Variants in CNTNAP5 observed in about 807,000 individuals in gnomAD.
CNTNAP5 encodes the protein contactin-associated protein-like 5.
Under a neutral mutation model 150.2 loss-of-function variants are expected in CNTNAP5, and 72 were observed. The observed-to-expected ratio is 0.48, with a 90% CI of 0.40 to 0.58. The LOEUF is 0.58. Among genes scored for constraint, CNTNAP5 ranks in the 20% least tolerant of loss-of-function variants. CNTNAP5 has a pLI of 0.00. For missense variants in CNTNAP5, 1,636 were observed against 1,626.2 expected (o/e 1.01, Z -0.10); for synonymous variants, 672 against 619.8 (o/e 1.08, Z -1.25).
intron 13 of CNTNAP5, among the ~76,000 whole-genome samples, chr2:124,724,175 A>AATAATAATAATAATAATAATAATG (rs539558593): frequency 6.7e-6 from 1 of 149,632 alleles, no homozygotes; most frequent in African/African-American, 2.5e-5. Context: ...TAATAATAAT[A>AATAATAATAATAATAATAATAATG]ATGATGATAC....
At chr2:124,488,733 A>C (rs1160156240) in intron 7 of CNTNAP5, among the ~76,000 whole-genome samples, 1 of 152,216 alleles carries the variant, frequency 6.6e-6, no homozygotes, top group Non-Finnish European at 1.5e-5. Context: ...TGTTGTGATG[A>C]TTATACCAAG....
intron 1 of CNTNAP5, among the ~76,000 whole-genome samples, chr2:124,196,115 A>G (rs1573826952): frequency 6.6e-6 from 1 of 152,136 alleles, no homozygotes; most frequent in Admixed American, 6.5e-5. Context: ...AAAATGCCCA[A>G]GGGAAGAAGA....
chr2:124,875,120 A>G (rs888512662), intron 21 of CNTNAP5, among the ~76,000 whole-genome samples: 1 of 151,976 alleles, frequency 6.6e-6, no homozygotes, highest in Admixed American at 6.6e-5. Flanking sequence ...ATTCTCCCCA[A>G]TCCCTCAGGT....
intron 10 of CNTNAP5, among the ~76,000 whole-genome samples, chr2:124,554,820 G>C (rs1358482241): frequency 6.6e-6 from 1 of 152,074 alleles, no homozygotes; most frequent in Non-Finnish European, 1.5e-5. Flanking sequence ...TATCTTCAAA[G>C]TTTTATTATA....
rs553519625 is a variant in CNTNAP5 at position 124,675,501 on chromosome 2, T to G, written c.2077+27543T>G. On this transcript the variant is annotated intron_variant, in intron 13 of 23. Transcript: ENST00000682447. The stretch of plus-strand genomic sequence containing the variant: ...GGATTCCCACTTGCCATTTTTCTAC[T>G]TCTTTATTGGAGTCTATTTTTCAAT... 2.6e-5 allele frequency among the ~76,000 whole-genome samples: 4 copies of G among 152,284 alleles called. No individual in the cohort carries two copies. The South Asian group carries it at 8.3e-4, about 32-fold the overall frequency.
chr2:124,469,882 A>G (rs1053519124), intron 6 of CNTNAP5, among the ~76,000 whole-genome samples: 7 of 152,132 alleles, frequency 4.6e-5, no homozygotes, highest in Admixed American at 1.3e-4. Flanking sequence ...TGCTGCATCC[A>G]TGTTCCTGCA....
chr2:124,633,010 C>T (rs1254668314), intron 12 of CNTNAP5, among the ~76,000 whole-genome samples: 1 of 152,062 alleles, frequency 6.6e-6, no homozygotes, highest in Non-Finnish European at 1.5e-5. Flanking sequence ...AAAACCCACC[C>T]CATGATCCAG....
intron 13 of CNTNAP5, among the ~76,000 whole-genome samples, chr2:124,733,373 C>T (rs1160885317): frequency 1.3e-5 from 2 of 151,716 alleles, no homozygotes; most frequent in Non-Finnish European, 2.9e-5. Context: ...AGAGGAAATG[C>T]TTTCAAATAA....
chr2:124,550,626 G>A (rs1268641786), intron 10 of CNTNAP5, among the ~76,000 whole-genome samples: 1 of 152,092 alleles, frequency 6.6e-6, no homozygotes, highest in African/African-American at 2.4e-5. Flanking sequence ...GTAGATGTGA[G>A]GTGGACTAAC....
chr2:124,705,929 A>T (rs1313686609), intron 13 of CNTNAP5, among the ~76,000 whole-genome samples: 5 of 107,218 alleles, frequency 4.7e-5, no homozygotes, highest in Non-Finnish European at 9.0e-5. Context: ...TTTGAAAATA[A>T]CTGTGGACAT....
intron 19 of CNTNAP5, among the ~76,000 whole-genome samples, chr2:124,832,876 A>T (rs1265993857): frequency 3.3e-5 from 5 of 151,576 alleles, no homozygotes; most frequent in Non-Finnish European, 5.9e-5. Flanking sequence ...TTGAGTAATG[A>T]TCATTTAAGC....
intron 1 of CNTNAP5, among the ~76,000 whole-genome samples, chr2:124,176,864 C>CTTTTTTTTTTTG (rs1558787965): frequency 2.9e-5 from 4 of 140,038 alleles, no homozygotes; most frequent in Non-Finnish European, 4.6e-5. Flanking sequence ...TTTTTTTTTA[C>CTTTTTTTTTTTG]ATGGCGTTTC....
intron 10 of CNTNAP5, among the ~76,000 whole-genome samples, chr2:124,558,230 T>A (rs1041748251): frequency 6.6e-6 from 1 of 152,116 alleles, no homozygotes; most frequent in Admixed American, 6.6e-5. Flanking sequence ...GGAGGGGTGA[T>A]AAGTGGTGAG....
At chr2:124,707,006 AAGGAGGAGGAGG>A (rs878975665) in intron 13 of CNTNAP5, among the ~76,000 whole-genome samples, 4 of 95,922 alleles carry the variant, frequency 4.2e-5, no homozygotes, top group Non-Finnish European at 6.9e-5. Context: ...GAGGAAGAAG[AAGGAGGAGGAGG>A]AGAAGAAGAA....
In CNTNAP5 at chr2:124,437,251, C is replaced by T. The variant is rs1692554368; in HGVS notation, c.733+2564C>T. ...TTTCATTATTCCTGTTGGGCTTGTT[C>T]ACCTTCAAGCCTGCACTCCTGACTC... On this transcript the variant is annotated intron_variant, in intron 5 of 23. Transcript: ENST00000682447. 2.0e-5 allele frequency among the ~76,000 whole-genome samples: 3 copies of T among 152,248 alleles called. No individual in the cohort carries two copies. In the South Asian group the frequency reaches 6.2e-4, roughly 32 times the overall value.
At position 124,789,928 on chromosome 2, in the gene CNTNAP5, T is replaced by A; in HGVS notation, c.2779T>A (p.Phe927Ile). The change falls in exon 18 of 24, where the codon TTC (phenylalanine) becomes ATC (isoleucine). Residue 927 changes from phenylalanine to isoleucine, a missense_variant. Physicochemically the swap from Phe to Ile is conservative, Grantham distance 21. Coordinates refer to ENST00000682447, the MANE Select transcript of CNTNAP5 (RefSeq NM_001367498.1). The stretch of plus-strand genomic sequence containing the variant: ...GGGAACGTCATCCAGACAGAAAGGC[T>A]TCCTAGGATGCATTCGCTCCTTACA... ...VGGTSSRQKG[F>I]LGCIRSLHLN... is the part of the protein sequence containing the mutation. 1 of 1,613,244 alleles carries A rather than the reference T, an allele frequency of 6.2e-7. No individual in the cohort carries two copies. Among genetic ancestry groups the A allele is most frequent in the Non-Finnish European group, 8.5e-7 (1 of 1,179,438 alleles).
intron 12 of CNTNAP5, among the ~76,000 whole-genome samples, chr2:124,635,365 C>T (rs995613144): frequency 2.0e-5 from 3 of 152,094 alleles, no homozygotes; most frequent in Admixed American, 6.5e-5. Flanking sequence ...GTTCCAGTCA[C>T]CTCCCACCAG....
At chr2:124,257,960 T>C (rs951793730) in intron 3 of CNTNAP5, among the ~76,000 whole-genome samples, 1 of 152,146 alleles carries the variant, frequency 6.6e-6, no homozygotes, top group Non-Finnish European at 1.5e-5. Context: ...AAATTTGACT[T>C]GAAAGCCATG....
intron 3 of CNTNAP5, among the ~76,000 whole-genome samples, chr2:124,309,310 C>A (rs1045470316): frequency 4.6e-5 from 7 of 151,994 alleles, no homozygotes; most frequent in African/African-American, 1.7e-4. Context: ...CTCTAAAGGA[C>A]CATTGTACAG....
Sources: allele counts gnomAD v4.1 joint callset (sites outside exome capture counted in the v4.1 genomes callset), GRCh38; gene constraint gnomAD v4.1.1; transcripts MANE v1.5; gene names NCBI Gene and HGNC (gene_info 2026-07-23, HGNC 2026-07-21).